EHMT1: variants seen among roughly 807,000 people sequenced by gnomAD.
EHMT1 encodes the protein euchromatic histone lysine methyltransferase 1, also known as histone-lysine N-methyltransferase EHMT1.
In EHMT1, 15 loss-of-function variants were observed where a neutral mutation model predicts 147.2. The observed-to-expected ratio is 0.10, with a 90% CI of 0.07 to 0.16. The LOEUF is 0.16. Ranked by LOEUF, EHMT1 falls within the 10% of genes least tolerant of loss-of-function variation. The pLI is 1.00. For missense variants in EHMT1, 1,587 were observed against 1,772.4 expected, an observed-to-expected ratio of 0.90 and a Z score of 1.88; for synonymous variants, 795 against 709.6, an observed-to-expected ratio of 1.12 and a Z score of -1.91.
chr9:137,794,603 C>T (rs901349908), intron 16 of EHMT1, among the ~76,000 whole-genome samples: 2 of 149,060 alleles, frequency 1.3e-5, no homozygotes, highest in African/African-American at 5.0e-5. Context: ...GCTGGATTAG[C>T]ACCACTGCAC....
chr9:137,801,014 G>T (rs374168421), intron 18 of EHMT1, 30 bp downstream of exon 18: 3 of 1,597,080 alleles, frequency 1.9e-6, no homozygotes, highest in Non-Finnish European at 2.6e-6. Context: ...CCCGGGAGCC[G>T]TGTCCTGGAG....
intron 18 of EHMT1, among the ~76,000 whole-genome samples, chr9:137,810,926 C>T (rs1390597146): frequency 1.3e-5 from 2 of 152,140 alleles, no homozygotes; most frequent in Non-Finnish European, 2.9e-5. Flanking sequence ...GTCTCGAACT[C>T]CTGACCTCAG....
intron 1 of EHMT1, among the ~76,000 whole-genome samples, chr9:137,680,466 C>G (rs1348192860): frequency 6.6e-6 from 1 of 152,078 alleles, no homozygotes; most frequent in Non-Finnish European, 1.5e-5. Context: ...GAGCCAGACT[C>G]TGTCTCAAAA....
intron 10 of EHMT1, among the ~76,000 whole-genome samples, chr9:137,768,368 T>C (rs955394503): frequency 4.1e-5 from 6 of 146,070 alleles, no homozygotes; most frequent in South Asian, 2.2e-4. Flanking sequence ...TTTTTTTTTT[T>C]CTGAGACAGA....
At chr9:137,723,831 T>C (rs1409104990) in intron 3 of EHMT1, among the ~76,000 whole-genome samples, 1 of 152,238 alleles carries the variant, frequency 6.6e-6, no homozygotes, top group African/African-American at 2.4e-5. Flanking sequence ...CATGAAGGTG[T>C]TGTCACGGCT....
intron 1 of EHMT1, among the ~76,000 whole-genome samples, chr9:137,688,462 C>T (rs954974320): frequency 7.2e-5 from 11 of 152,208 alleles, no homozygotes; most frequent in East Asian, 1.9e-4. Flanking sequence ...CGGCTGCCAG[C>T]GCTGCACCCC....
intron 1 of EHMT1, among the ~76,000 whole-genome samples, chr9:137,677,999 G>A (rs1469329441): frequency 1.3e-5 from 2 of 152,052 alleles, no homozygotes; most frequent in Non-Finnish European, 2.9e-5. Context: ...AACCCGGGAG[G>A]CGGAGCTTGC....
chr9:137,740,581 C>G (rs1005313031), intron 4 of EHMT1, among the ~76,000 whole-genome samples: 2 of 152,242 alleles, frequency 1.3e-5, no homozygotes, highest in Non-Finnish European at 2.9e-5. Context: ...GAAGCGGCTC[C>G]TCTTCACACT....
At chr9:137,634,227 C>A (rs1301622294) in intron 1 of EHMT1, among the ~76,000 whole-genome samples, 2 of 152,152 alleles carry the variant, frequency 1.3e-5, no homozygotes, top group Admixed American at 6.6e-5. Context: ...TGTCTGATTG[C>A]CCAATCCAAA....
intron 1 of EHMT1, among the ~76,000 whole-genome samples, chr9:137,690,628 G>A (rs1942855052): frequency 6.6e-6 from 1 of 152,014 alleles, no homozygotes; most frequent in South Asian, 2.1e-4. Context: ...GGAGTGCAGT[G>A]GCGCGATCTC....
intron 1 of EHMT1, among the ~76,000 whole-genome samples, chr9:137,635,925 A>ATT (rs893310841): frequency 6.7e-6 from 1 of 148,166 alleles, no homozygotes. Flanking sequence ...ATTAAAAAAA[A>ATT]TTTTTTTTTT....
chr9:137,756,231 C>T (rs1033333019), intron 8 of EHMT1, among the ~76,000 whole-genome samples: 1 of 152,202 alleles, frequency 6.6e-6, no homozygotes, highest in Non-Finnish European at 1.5e-5. Flanking sequence ...GTGGCGCAGG[C>T]CCCTTCTTGG....
chr9:137,619,514 C>G (rs1269645076), intron 1 of EHMT1, among the ~76,000 whole-genome samples: 1 of 152,102 alleles, frequency 6.6e-6, no homozygotes, highest in African/African-American at 2.4e-5. Context: ...GCTCTTCCTT[C>G]GCTTCGTTGA....
intron 16 of EHMT1, among the ~76,000 whole-genome samples, chr9:137,792,567 T>C (rs1588736486): frequency 6.6e-6 from 1 of 152,062 alleles, no homozygotes; most frequent in East Asian, 1.9e-4. Context: ...TAGCCGGGCG[T>C]GGTGATGGGT....
chr9:137,626,282 A>G (rs1843251226), intron 1 of EHMT1, among the ~76,000 whole-genome samples: 1 of 151,762 alleles, frequency 6.6e-6, no homozygotes, highest in Non-Finnish European at 1.5e-5. Context: ...AAAATTTTAA[A>G]ATTACAGTTA....
chr9:137,658,695 T>C (rs2134047136), intron 1 of EHMT1, among the ~76,000 whole-genome samples: 1 of 152,002 alleles, frequency 6.6e-6, no homozygotes, highest in East Asian at 1.9e-4. Flanking sequence ...TCACTGCAGC[T>C]TCAACTTCCC....
At chr9:137,718,734 TTC>T (rs546606636) in intron 3 of EHMT1, among the ~76,000 whole-genome samples, 5 of 151,648 alleles carry the variant, frequency 3.3e-5, no homozygotes, top group Non-Finnish European at 5.9e-5. Context: ...CTCTGATTAG[TTC>T]TCTCTCTTTT....
At chr9:137,827,455 C>T (rs1056972044) in intron 25 of EHMT1, among the ~76,000 whole-genome samples, 3 of 152,182 alleles carry the variant, frequency 2.0e-5, no homozygotes, top group Admixed American at 6.5e-5. Context: ...GACCCCAGAC[C>T]CCAGACCCCT....
intron 1 of EHMT1, among the ~76,000 whole-genome samples, chr9:137,633,656 C>G (rs966880177): frequency 1.3e-5 from 2 of 151,990 alleles, no homozygotes; most frequent in African/African-American, 4.8e-5. Flanking sequence ...CCACTACTTC[C>G]AGATCATTCC....
Sources: gnomAD v4.1 joint callset for allele counts (sites outside exome capture counted in the v4.1 genomes callset) on GRCh38, gnomAD v4.1.1 for gene constraint, MANE v1.5 for transcripts, NCBI Gene and HGNC (gene_info 2026-07-23, HGNC 2026-07-21) for gene names.